The following FBXO42 variants were observed in gnomAD, a reference collection of about 807,000 sequenced individuals.
The protein encoded by FBXO42 is F-box only protein 42.
FBXO42 carries 12 observed loss-of-function variants against 71.7 expected under a neutral mutation model. The observed-to-expected ratio is 0.17, with a 90% CI of 0.11 to 0.27. FBXO42 has a LOEUF of 0.27. FBXO42 is among the 10% of genes least tolerant of loss of function. The pLI, the probability that FBXO42 is intolerant of heterozygous loss-of-function variation, is 1.00. For synonymous variants in FBXO42, 325 were observed against 327.5 expected, an observed-to-expected ratio of 0.99 and a Z score of 0.08; for missense variants, 707 against 911.9, an observed-to-expected ratio of 0.78 and a Z score of 2.89.
At chr1:16,299,281 G>C (rs1414895373) in intron 3 of FBXO42, among the ~76,000 whole-genome samples, 1 of 152,106 alleles carries the variant, frequency 6.6e-6, no homozygotes, top group East Asian at 1.9e-4. Context: ...AAAGTGCTGG[G>C]ATTACAGGCA....
At chr1:16,273,683 C>A (rs1340575311) in intron 4 of FBXO42, among the ~76,000 whole-genome samples, 4 of 151,768 alleles carry the variant, frequency 2.6e-5, no homozygotes, top group African/African-American at 9.7e-5. Flanking sequence ...AGTTCAAGAC[C>A]AGCCTGGGCA....
intron 4 of FBXO42, among the ~76,000 whole-genome samples, chr1:16,288,756 C>T (rs530093725): frequency 6.6e-6 from 1 of 150,752 alleles, no homozygotes; most frequent in African/African-American, 2.4e-5. Flanking sequence ...TCAAGGGTTC[C>T]AGACCAGCCT....
At chr1:16,321,563 T>C (rs1188533925) in intron 1 of FBXO42, among the ~76,000 whole-genome samples, 1 of 152,202 alleles carries the variant, frequency 6.6e-6, no homozygotes, top group Non-Finnish European at 1.5e-5. Flanking sequence ...ATGAATGTAC[T>C]GGAATCTGAA....
At chr1:16,300,769 A>G (rs2082183498) in intron 3 of FBXO42, among the ~76,000 whole-genome samples, 1 of 151,730 alleles carries the variant, frequency 6.6e-6, no homozygotes, top group Admixed American at 6.6e-5. Context: ...ACACTGAAAC[A>G]TTTTTCAATG....
At chr1:16,269,773 C>T (rs1417839617) in intron 4 of FBXO42, among the ~76,000 whole-genome samples, 1 of 152,148 alleles carries the variant, frequency 6.6e-6, no homozygotes, top group Non-Finnish European at 1.5e-5. Context: ...GATCCGCCTA[C>T]CTCGGCCTCC....
chr1:16,304,283 A>AT (rs886557078), intron 3 of FBXO42, among the ~76,000 whole-genome samples: 5 of 148,782 alleles, frequency 3.4e-5, no homozygotes, highest in South Asian at 4.3e-4. Context: ...TGGCTGGTTA[A>AT]TTTTTTTTTC....
At chr1:16,330,643 C>T (rs2082490839) in intron 1 of FBXO42, among the ~76,000 whole-genome samples, 1 of 152,062 alleles carries the variant, frequency 6.6e-6, no homozygotes, top group Non-Finnish European at 1.5e-5. Flanking sequence ...CCTGTCTCTA[C>T]TAAAAATACA....
chr1:16,313,324 C>CAAAGAAAGAAAGAAAGAAAGAAAG (rs57296538), intron 2 of FBXO42, among the ~76,000 whole-genome samples: 3 of 137,714 alleles, frequency 2.2e-5, no homozygotes, highest in Admixed American at 7.5e-5. Flanking sequence ...GAAAAGAAAA[C>CAAAGAAAGAAAGAAAGAAAGAAAG]AAAGAAAGAA....
rs1398840004 is a variant in FBXO42, at chr1:16,252,432, C to A, written c.922-28G>T. 9 of 1,573,268 alleles carry A rather than the reference C, an allele frequency of 5.7e-6. No homozygotes were observed. The African/African-American group carries it at 1.2e-4, about 21-fold the overall frequency. ...GTAAGAGAAAAAACCAATAACAAGA[C>A]TCAGGTGTGATATGCGTTCCAAAAC... On this transcript the variant is annotated intron_variant, in intron 8 of 9. Transcript: ENST00000375592. The surrounding 1 kb of genome is among the most constrained non-coding windows in gnomAD (Gnocchi z 4.4).
intron 6 of FBXO42, among the ~76,000 whole-genome samples, chr1:16,254,276 G>A (rs2081618156): frequency 6.6e-6 from 1 of 152,190 alleles, no homozygotes; most frequent in Non-Finnish European, 1.5e-5. Flanking sequence ...ATTGGTGACA[G>A]CAGGAAATAG....
Position 16,294,786 on chromosome 1 carries a change from A to C in FBXO42, c.499T>G (p.Ser167Ala), listed in dbSNP as rs1267514648. 1 of 1,613,276 alleles carries C rather than the reference A, an allele frequency of 6.2e-7. No homozygotes were observed. The highest frequency in any genetic ancestry group is 8.5e-7 in the Non-Finnish European group (1 of 1,179,776). The part of the protein sequence containing the change: ...NSKEWIRPLA[S>A]GSYPSPKAGA... ...AGATCAGCATTTCATCTCTTACCTG[A>C]AGCCAAAGGTCGGATCCACTCTTTG... The change falls in exon 4 of 10, where the codon TCA becomes GCA. Residue 167 changes from serine to alanine, a missense_variant. Physicochemically the swap from Ser to Ala is moderately conservative, Grantham distance 99. Coordinates refer to ENST00000375592, the MANE Select transcript of FBXO42 (RefSeq NM_018994.3).
chr1:16,315,133 A>G, intron 2 of FBXO42, 36 bp downstream of exon 2: 1 of 1,552,660 alleles, frequency 6.4e-7, no homozygotes, highest in Non-Finnish European at 8.7e-7. Flanking sequence ...GTGAAATTTG[A>G]AATCAATAAA....
chr1:16,262,958 G>A (rs1003638655), intron 4 of FBXO42, among the ~76,000 whole-genome samples: 6 of 151,690 alleles, frequency 4.0e-5, no homozygotes, highest in East Asian at 2.0e-4. Flanking sequence ...CAATCTGCCC[G>A]CCTCGGCCTC....
chr1:16,316,280 C>A (rs958569649), intron 1 of FBXO42, among the ~76,000 whole-genome samples: 2 of 151,888 alleles, frequency 1.3e-5, no homozygotes, highest in Non-Finnish European at 2.9e-5. Flanking sequence ...TACTTGCCAG[C>A]GGTGCCTGCA....
chr1:16,263,743 A>C (rs536507055), intron 4 of FBXO42, among the ~76,000 whole-genome samples: 1 of 151,358 alleles, frequency 6.6e-6, no homozygotes, highest in African/African-American at 2.4e-5. Flanking sequence ...AACAAAAAAA[A>C]ACCGAAAAAC....
At chr1:16,295,833 T>C (rs1021525175) in intron 3 of FBXO42, among the ~76,000 whole-genome samples, 1 of 152,214 alleles carries the variant, frequency 6.6e-6, no homozygotes. Flanking sequence ...AATAGTAGTA[T>C]GGTCTTGGAC....
rs1022459912 is a variant in FBXO42 at position 16,250,182 on chromosome 1, A to C, written c.*488T>G. 2.6e-5 allele frequency: 4 copies of C among 152,220 alleles called. No homozygotes were observed. Among genetic ancestry groups the C allele is most frequent in the Non-Finnish European group, 4.4e-5 (3 of 68,046 alleles). 9.4% of individuals were successfully genotyped at this position (152,220 alleles called of 1,614,324 possible). On this transcript the variant is annotated 3_prime_UTR_variant, in exon 10 of 10. Coordinates refer to ENST00000375592, the MANE Select transcript of FBXO42 (RefSeq NM_018994.3). The surrounding 1 kb of genome is among the most constrained non-coding windows in gnomAD (Gnocchi z 4.7). Reference sequence around the variant, plus strand: ...CTGTGGTTTTAAGAGAAGGGGAAAAACAGTTACTTTTACCCCGACAGCACC... The same window carrying C: ...CTGTGGTTTTAAGAGAAGGGGAAAACCAGTTACTTTTACCCCGACAGCACC...
At chr1:16,339,437 C>G (rs945205223) in intron 1 of FBXO42, among the ~76,000 whole-genome samples, 10 of 151,968 alleles carry the variant, frequency 6.6e-5, no homozygotes, top group Non-Finnish European at 5.9e-5. Context: ...CTCAGCCTCC[C>G]GAGTAGCTGG....
chr1:16,325,188 A>G (rs1181155196), intron 1 of FBXO42, among the ~76,000 whole-genome samples: 4 of 152,110 alleles, frequency 2.6e-5, no homozygotes, highest in Admixed American at 6.6e-5. Context: ...CAGTGAGCCA[A>G]TATCATGCCA....
Sources: gnomAD v4.1 joint callset for allele counts (sites outside exome capture counted in the v4.1 genomes callset) on GRCh38, gnomAD v4.1.1 for gene constraint, Gnocchi (gnomAD v3.1) non-coding constraint, MANE v1.5 for transcripts, NCBI Gene and HGNC (gene_info 2026-07-23, HGNC 2026-07-21) for gene names.